CFAP65: variants seen among roughly 807,000 people sequenced by gnomAD.
CFAP65 encodes the protein cilia and flagella associated protein 65.
A neutral mutation model predicts 208.0 loss-of-function variants in CFAP65; 155 were observed. The observed-to-expected ratio is 0.75, with a 90% confidence interval of 0.65 to 0.85. The LOEUF (loss-of-function observed/expected upper bound fraction) is 0.85. CFAP65 is among the 40% of genes least tolerant of loss of function. The pLI is 0.00. For synonymous variants in CFAP65, 970 were observed against 986.3 expected (o/e 0.98, Z 0.31); for missense variants, 2,294 against 2,451.3 (o/e 0.94, Z 1.36).
rs1427811334 is a variant in CFAP65, at chr2:219,004,337, T to C, written c.5170A>G (p.Ser1724Gly). Residue 1724 changes from serine to glycine, a missense_variant, in exon 33 of 35, where the codon AGC (serine) becomes GGC (glycine). Coordinates refer to ENST00000341552, the MANE Select transcript of CFAP65 (RefSeq NM_194302.4). The surrounding 1 kb of genome is among the most constrained non-coding windows in gnomAD (Gnocchi z 4.7). ...GGCAGGATTGGCATTAAGTACAGGCTGTTTTTCTGGTCCATGAACTTAGTT... is the reference window on the plus strand; with the variant it reads ...GGCAGGATTGGCATTAAGTACAGGCCGTTTTTCTGGTCCATGAACTTAGTT... ...QSTKFMDQKN[S>G]LYLMPILPVP... 3.0e-5 allele frequency: 49 copies of C among 1,614,026 alleles called. No individual in the cohort carries two copies. Among genetic ancestry groups the C allele is most frequent in the Admixed American group, 6.7e-5 (4 of 60,002 alleles).
rs771613846 is a variant in CFAP65 at position 219,013,347 on chromosome 2, A to C, written c.3869T>G (p.Val1290Gly). Reference protein sequence around the residue: ...EILLNFIGVTVKPEQKYVHFT... With the variant: ...EILLNFIGVTGKPEQKYVHFT... ...GTGCACATACTTCTGCTCCGGCTTC[A>C]CTGTCACACCTATGAAATTTAGCTG... Residue 1290 changes from valine to glycine, a missense_variant, in exon 24 of 35, where the codon GTG becomes GGG. Coordinates refer to ENST00000341552, the MANE Select transcript of CFAP65 (RefSeq NM_194302.4). 2.4e-5 allele frequency: 38 copies of C among 1,613,668 alleles called. No individual in the cohort carries two copies. Among genetic ancestry groups the C allele is most frequent in the Non-Finnish European group, 3.1e-5 (37 of 1,179,788 alleles).
At chr2:219,039,280 C>T in intron 2 of CFAP65, 1 of 344,550 alleles carries the variant, frequency 2.9e-6, no homozygotes, top group Admixed American at 4.7e-5. Flanking sequence ...CTAAGGCACA[C>T]AAAGTATCTC....
intron 29 of CFAP65, among the ~76,000 whole-genome samples, chr2:219,007,878 G>T (rs1946133141): frequency 6.6e-6 from 1 of 151,586 alleles, no homozygotes; most frequent in African/African-American, 2.4e-5. Flanking sequence ...GAGTGCAGTG[G>T]TATGATCTCC....
At chr2:219,007,484 G>A (rs1428117494) in intron 29 of CFAP65, among the ~76,000 whole-genome samples, 2 of 151,914 alleles carry the variant, frequency 1.3e-5, no homozygotes, top group Non-Finnish European at 2.9e-5. Flanking sequence ...CTGGCCTTAG[G>A]AAGTAATTTG....
Position 219,038,332 on chromosome 2 carries a change from G to A in CFAP65, c.357+43C>T, listed in dbSNP as rs1436709508. 5 of 1,586,204 alleles carry A rather than the reference G, an allele frequency of 3.2e-6. No homozygotes were observed. In the African/African-American group the frequency reaches 5.4e-5, roughly 17 times the overall value. ...GCCCTGCCACCCATGCCCCGCCCTGGCCCTGCCACACCCTGCTCTGCCTGC... is the reference window on the plus strand; with the variant it reads ...GCCCTGCCACCCATGCCCCGCCCTGACCCTGCCACACCCTGCTCTGCCTGC... On this transcript the variant is annotated intron_variant, in intron 4 of 34. Coordinates refer to ENST00000341552, the MANE Select transcript of CFAP65 (RefSeq NM_194302.4).
chr2:219,029,799 A>C (rs1947893141), intron 10 of CFAP65, 131 bp from the exon 11 acceptor site: 1 of 1,228,728 alleles, frequency 8.1e-7, no homozygotes, highest in African/African-American at 1.5e-5. Context: ...CTCCAGCATC[A>C]CTGGATGCCA....
intron 10 of CFAP65, 73 bp downstream of exon 10, chr2:219,029,913 G>C (rs973871652): frequency 2.8e-5 from 41 of 1,456,122 alleles, no homozygotes; most frequent in Admixed American, 3.7e-5. Context: ...CCTAGGAGCA[G>C]GGAAGGAGCT....
intron 2 of CFAP65, among the ~76,000 whole-genome samples, chr2:219,040,098 A>G (rs958913768): frequency 6.6e-6 from 1 of 152,046 alleles, no homozygotes; most frequent in African/African-American, 2.4e-5. Context: ...CAGTGGCAAG[A>G]TCTTGGCTCA....
At position 219,006,090 on chromosome 2, in the gene CFAP65, G is replaced by A; in HGVS notation, c.4853C>T (p.Ala1618Val). 1.9e-6 allele frequency: 3 copies of A among 1,613,584 alleles called. No homozygotes were observed. The highest frequency in any genetic ancestry group is 2.5e-6 in the Non-Finnish European group (3 of 1,180,022). ...AAAGTAGTCGGTGGCATGGGCTCGG[G>A]CAGTAAGGCCCAGGCAGAGCATGCC... ...SPGMLCLGLT[A>V]RAHATDYFLA... Residue 1618 changes from alanine to valine, a missense_variant, in exon 31 of 35, where the codon GCC becomes GTC. Coordinates refer to ENST00000341552, the MANE Select transcript of CFAP65 (RefSeq NM_194302.4).
intron 14 of CFAP65, 34 bp downstream of exon 14, chr2:219,025,988 G>A: frequency 6.2e-7 from 1 of 1,608,660 alleles, no homozygotes; most frequent in Non-Finnish European, 8.5e-7. Context: ...GGGCTCCCCT[G>A]TCTCCCTCCC....
chr2:219,037,265 G>C (rs184733132), intron 4 of CFAP65, among the ~76,000 whole-genome samples: 1 of 152,112 alleles, frequency 6.6e-6, no homozygotes, highest in South Asian at 2.1e-4. Context: ...GGTAGCAGGC[G>C]CCTGTAATCC....
At position 219,013,541 on chromosome 2, in the gene CFAP65, A is replaced by G. The variant is rs1213476391; in HGVS notation, c.3824T>C (p.Val1275Ala). Residue 1275 changes from valine (V) to alanine (A), a missense_variant, in exon 23 of 35, where the codon GTG (valine) becomes GCG (alanine). By Grantham distance (64) the Val-to-Ala change is moderately conservative. Transcript: ENST00000341552. ...GTDHLPVLFK[V>A]SHGREILLNF... is the part of the protein sequence containing the mutation. ...CACCAGGATCTCCCGGCCATGGGAC[A>G]CCTTGAAGAGCACTGGGAGGTGATC... 1 of 1,601,270 alleles carries G rather than the reference A, an allele frequency of 6.2e-7. No homozygotes were observed. The highest frequency in any genetic ancestry group is 1.1e-5 in the South Asian group (1 of 88,042).
chr2:219,029,338 G>C, intron 11 of CFAP65, 65 bp downstream of exon 11: 7 of 1,555,098 alleles, frequency 4.5e-6, no homozygotes, highest in Non-Finnish European at 6.1e-6. Context: ...ACCAAGCCTT[G>C]TCATCATCAG....
intron 4 of CFAP65, among the ~76,000 whole-genome samples, chr2:219,038,161 A>G (rs1209814054): frequency 6.6e-6 from 1 of 152,156 alleles, no homozygotes; most frequent in Non-Finnish European, 1.5e-5. Flanking sequence ...CTCAGTTTCA[A>G]TATTTACTGA....
Position 219,027,732 on chromosome 2 carries a change from G to A in CFAP65, c.2129C>T (p.Ser710Phe). The A allele has an allele frequency of 1.9e-6, 3 of 1,614,134 alleles. No individual in the cohort carries two copies. Among genetic ancestry groups the A allele is most frequent in the Non-Finnish European group, 2.5e-6 (3 of 1,180,038 alleles). Reference protein sequence around the residue: ...PESCDVPPLKSMAMRLHFQPP... With the variant: ...PESCDVPPLKFMAMRLHFQPP... ...CTGGAAGTGCAGGCGCATGGCCATG[G>A]ACTTGAGTGGGGGCACGTCGCAGCT... The change falls in exon 13 of 35, where the codon TCC (serine) becomes TTC (phenylalanine). Residue 710 changes from serine to phenylalanine, a missense_variant. By Grantham distance (155) the Ser-to-Phe change is radical. This residue lies in a region of CFAP65 where 867 missense variants were observed against 1,012.6 expected (regional missense o/e 0.86). Transcript: ENST00000341552.
chr2:219,006,177 C>A lies in CFAP65; in HGVS notation c.4766G>T (p.Ser1589Ile), dbSNP rs747402434. Reference protein sequence around the residue: ...KNQQSVSRPASWKLQTPKEEV... With the variant: ...KNQQSVSRPAIWKLQTPKEEV... ...CTCCTTTGGGGTCTGCAGTTTCCAG[C>A]TGGCAGGCCGGCTGACAGACTGCTG... is the stretch of plus-strand genomic sequence containing the variant. Residue 1589 changes from serine to isoleucine, a missense_variant, in exon 31 of 35, where the codon AGC (serine) becomes ATC (isoleucine). By Grantham distance (142) the Ser-to-Ile change is moderately radical. Transcript: ENST00000341552. The A allele has an allele frequency of 3.1e-6, 5 of 1,611,446 alleles. No individual in the cohort carries two copies. In the African/African-American group the frequency reaches 6.7e-5, roughly 22 times the overall value.
At chr2:219,013,841 G>A (rs1946653010) in intron 22 of CFAP65, 27 bp downstream of exon 22, 2 of 1,557,824 alleles carry the variant, frequency 1.3e-6, no homozygotes, top group Non-Finnish European at 1.7e-6. Flanking sequence ...GACTGGAAGT[G>A]CAGGGGGTTT....
chr2:219,027,028 G>A (rs1002202521), intron 13 of CFAP65: 20 of 999,564 alleles, frequency 2.0e-5, no homozygotes, highest in Middle Eastern at 5.1e-4. Context: ...GATCTTGACC[G>A]CACAGCCCTA....
At chr2:219,028,829 C>T (rs1298975735) in intron 11 of CFAP65, among the ~76,000 whole-genome samples, 5 of 152,184 alleles carry the variant, frequency 3.3e-5, no homozygotes, top group East Asian at 1.9e-4. Context: ...TAAACTGTCA[C>T]AAGAATTAGA....
Sources: allele counts gnomAD v4.1 joint callset (sites outside exome capture counted in the v4.1 genomes callset), GRCh38; gene constraint gnomAD v4.1.1; regional missense constraint gnomAD v4.1.1; non-coding constraint Gnocchi (gnomAD v3.1); transcripts MANE v1.5; gene names NCBI Gene and HGNC (gene_info 2026-07-23, HGNC 2026-07-21).